The following OLFML3 variants were observed in gnomAD, a reference collection of about 807,000 sequenced individuals.
The protein encoded by OLFML3 is olfactomedin-like protein 3.
In OLFML3, 26 loss-of-function variants were observed where a neutral mutation model predicts 36.0. The observed-to-expected ratio is 0.72, with a 90% CI of 0.53 to 1.00. The LOEUF (loss-of-function observed/expected upper bound fraction) is 1.00, where lower values mean the gene tolerates loss of function less well. Ranked by LOEUF, OLFML3 falls within the 50% of genes least tolerant of loss-of-function variation. The pLI, the probability that OLFML3 is intolerant of heterozygous loss-of-function variation, is 0.00. For synonymous variants in OLFML3, 184 were observed against 201.2 expected (o/e 0.91, Z 0.72); for missense variants, 503 against 519.4 (o/e 0.97, Z 0.31).
Position 113,981,086 on chromosome 1 carries a change from G to A in OLFML3, c.538G>A (p.Ala180Thr), listed in dbSNP as rs982230161. Residue 180 changes from alanine to threonine, a missense_variant, in exon 3 of 3, where the codon GCC (alanine) becomes ACC (threonine). Ala to Thr is a moderately conservative substitution (Grantham distance 58, BLOSUM62 0). Coordinates refer to ENST00000320334, the MANE Select transcript of OLFML3 (RefSeq NM_020190.5). ...YVLDGTQNDT[A>T]FVFPRLRDFT... ...GTTAGATGGGACACAGAATGACACA[G>A]CCTTTGTCTTCCCAAGGCTGCGTGA... The A allele has an allele frequency of 4.3e-6, 7 of 1,613,106 alleles. No homozygotes were observed. The Admixed American group carries it at 6.7e-5, about 15-fold the overall frequency.
In OLFML3 at chr1:113,981,374, C is replaced by T. The variant is rs369884282; in HGVS notation, c.826C>T (p.Leu276=). 4 of 1,609,474 alleles carry T rather than the reference C, an allele frequency of 2.5e-6. No individual in the cohort carries two copies. The highest frequency in any genetic ancestry group is 3.4e-6 in the Non-Finnish European group (4 of 1,177,586). ...CTTGACAGCAGACACCTACATCGAC[C>T]TGGCAGCTGATGAGGAAGGTCTTTG... ...YGLTADTYID[L]AADEEGLWAV... is the part of the protein sequence containing the mutation. Residue 276 remains leucine, a synonymous_variant, in exon 3 of 3, where the codon CTG becomes TTG. Transcript: ENST00000320334.
rs1473682465 is a variant in OLFML3, at chr1:113,982,247, C to G, written c.*478C>G. ...AACATTTTGCATTAAAAGGAAAATC[C>G]ACTGCTCCTCTCCTGTGTTTGTTTG... On this transcript the variant is annotated 3_prime_UTR_variant, in exon 3 of 3. Coordinates refer to ENST00000320334, the MANE Select transcript of OLFML3 (RefSeq NM_020190.5). 1 of 183,988 alleles carries G rather than the reference C, an allele frequency of 5.4e-6. No individual in the cohort carries two copies. The highest frequency in any genetic ancestry group is 1.1e-5 in the Non-Finnish European group (1 of 87,084). 11.4% of individuals were successfully genotyped at this position (183,988 alleles called of 1,614,324 possible).
chr1:113,981,592 C>T lies in OLFML3; in HGVS notation c.1044C>T (p.Ser348=), dbSNP rs1571754243. 1.9e-6 allele frequency: 3 copies of T among 1,614,148 alleles called. No individual in the cohort carries two copies. In the East Asian group the frequency reaches 6.7e-5, roughly 36 times the overall value. The change falls in exon 3 of 3, where the codon TCC becomes TCT. Residue 348 remains serine, a synonymous_variant. Transcript: ENST00000320334. The part of the protein sequence containing the change: ...RPASRARIQC[S]FDASGTLTPE... ...CCAGTCGGGCCCGCATCCAGTGCTCCTTTGATGCCAGCGGCACCCTGACCC... is the reference window on the plus strand; with the variant it reads ...CCAGTCGGGCCCGCATCCAGTGCTCTTTTGATGCCAGCGGCACCCTGACCC...
chr1:113,981,088 C>G lies in OLFML3; in HGVS notation c.540C>G (p.Ala180=). 1 of 1,613,264 alleles carries G rather than the reference C, an allele frequency of 6.2e-7. No individual in the cohort carries two copies. Among genetic ancestry groups the G allele is most frequent in the Middle Eastern group, 1.7e-4 (1 of 6,058 alleles). Residue 180 remains alanine, a synonymous_variant, in exon 3 of 3, where the codon GCC becomes GCG. Coordinates refer to ENST00000320334, the MANE Select transcript of OLFML3 (RefSeq NM_020190.5). The stretch of plus-strand genomic sequence containing the variant: ...TAGATGGGACACAGAATGACACAGC[C>G]TTTGTCTTCCCAAGGCTGCGTGACT... ...YVLDGTQNDT[A]FVFPRLRDFT... is the part of the protein sequence containing the mutation.
Position 113,981,215 on chromosome 1 carries a change from C to G in OLFML3, c.667C>G (p.Arg223Gly). 6.2e-7 allele frequency: 1 copy of G among 1,614,026 alleles called. No individual in the cohort carries two copies. Among genetic ancestry groups the G allele is most frequent in the South Asian group, 1.1e-5 (1 of 91,062 alleles). ...ATATGGTGGCTTTCTTTATTTTGCTCGGAGGCCTCCTGGAAGACCTGGTGG... is the reference window on the plus strand; with the variant it reads ...ATATGGTGGCTTTCTTTATTTTGCTGGGAGGCCTCCTGGAAGACCTGGTGG... ...LVYGGFLYFA[R>G]RPPGRPGGGG... The change falls in exon 3 of 3, where the codon CGG becomes GGG. Residue 223 changes from arginine (R) to glycine (G), a missense_variant. Coordinates refer to ENST00000320334, the MANE Select transcript of OLFML3 (RefSeq NM_020190.5).
At chr1:113,979,708 G>A in intron 1 of OLFML3, 78 bp downstream of exon 1, 1 of 1,115,174 alleles carries the variant, frequency 9.0e-7, no homozygotes, top group African/African-American at 1.5e-5. Context: ...TTAGGGATCT[G>A]GGGATAACAA....
chr1:113,981,258 A>T lies in OLFML3; in HGVS notation c.710A>T (p.Asn237Ile), dbSNP rs1312593729. ...CCTGGTGGAGGTGGTGAGATGGAGA[A>T]CACTTTGCAGCTAATCAAATTCCAC... is the stretch of plus-strand genomic sequence containing the variant. The part of the protein sequence containing the change: ...GRPGGGGEME[N>I]TLQLIKFHLA... Residue 237 changes from asparagine to isoleucine, a missense_variant, in exon 3 of 3, where the codon AAC (asparagine) becomes ATC (isoleucine). Asn to Ile is a moderately radical substitution (Grantham distance 149). Transcript: ENST00000320334. The T allele has an allele frequency of 1.2e-6, 2 of 1,612,424 alleles. No homozygotes were observed. The highest frequency in any genetic ancestry group is 3.3e-4 in the Middle Eastern group (2 of 6,048).
At position 113,980,586 on chromosome 1, in the gene OLFML3, A is replaced by G. The variant is rs139021207; in HGVS notation, c.369A>G (p.Gly123=). Residue 123 remains glycine (G), a synonymous_variant, in exon 2 of 3, where the codon GGA becomes GGG. Transcript: ENST00000320334. ...VTGGPGTKGK[G]RRNEKYDMVT... Reference sequence around the variant, plus strand: ...GAGGCCCTGGGACCAAAGGCAAGGGAAGAAGGAATGAGAAGTACGATATGG... The same window carrying G: ...GAGGCCCTGGGACCAAAGGCAAGGGGAGAAGGAATGAGAAGTACGATATGG... The G allele has an allele frequency of 1.3e-4, 207 of 1,609,562 alleles. 1 individual carries two copies. In the African/African-American group the frequency reaches 2.5e-3, roughly 19 times the overall value.
intron 1 of OLFML3, chr1:113,980,117 TGGAGTCGGGGTA>T: frequency 6.5e-7 from 1 of 1,550,124 alleles, no homozygotes; most frequent in Non-Finnish European, 8.7e-7. Context: ...CTGGAGGACA[TGGAGTCGGGGTA>T]GGGGCCTAGG....
chr1:113,979,976 T>C (rs1673347034), intron 1 of OLFML3: 1 of 1,450,418 alleles, frequency 6.9e-7, no homozygotes, highest in Non-Finnish European at 9.1e-7. Context: ...TTTTAACAGG[T>C]TGAGATCCGT....
rs1282339651 is a variant in OLFML3 at position 113,981,111 on chromosome 1, A to T, written c.563A>T (p.Asp188Val). The change falls in exon 3 of 3, where the codon GAC (aspartate) becomes GTC (valine). Residue 188 changes from aspartate to valine, a missense_variant. Coordinates refer to ENST00000320334, the MANE Select transcript of OLFML3 (RefSeq NM_020190.5). ...GCCTTTGTCTTCCCAAGGCTGCGTG[A>T]CTTCACCCTTGCCATGGCTGCCCGG... ...DTAFVFPRLR[D>V]FTLAMAARKA... 4 of 1,613,972 alleles carry T rather than the reference A, an allele frequency of 2.5e-6. No individual in the cohort carries two copies. Among genetic ancestry groups the T allele is most frequent in the Non-Finnish European group, 3.4e-6 (4 of 1,179,990 alleles).
chr1:113,980,635 A>T lies in OLFML3; in HGVS notation c.400+18A>T. 6.4e-7 allele frequency: 1 copy of T among 1,554,202 alleles called. No homozygotes were observed. Among genetic ancestry groups the T allele is most frequent in the East Asian group, 2.3e-5 (1 of 44,302 alleles). On this transcript the variant is annotated intron_variant, in intron 2 of 2. Transcript: ENST00000320334. ...GGTGACAGGTAAATAATCTGAAAGC[A>T]GGCCCCTAACTCTTCTCAGAACCGA... is the stretch of plus-strand genomic sequence containing the variant.
Position 113,981,044 on chromosome 1 carries a change from A to G in OLFML3, c.496A>G (p.Thr166Ala). 1 of 1,600,720 alleles carries G rather than the reference A, an allele frequency of 6.2e-7. No individual in the cohort carries two copies. Among genetic ancestry groups the G allele is most frequent in the Non-Finnish European group, 8.5e-7 (1 of 1,172,372 alleles). Residue 166 changes from threonine (T) to alanine (A), a missense_variant, in exon 3 of 3, where the codon ACA becomes GCA. By Grantham distance (58) the Thr-to-Ala change is moderately conservative. Coordinates refer to ENST00000320334, the MANE Select transcript of OLFML3 (RefSeq NM_020190.5). Reference protein sequence around the residue: ...GLWTKDPLGQTEKIYVLDGTQ... With the variant: ...GLWTKDPLGQAEKIYVLDGTQ... ...ATGGACCAAGGATCCACTGGGGCAA[A>G]CAGAGAAGATCTACGTGTTAGATGG...
Position 113,979,537 on chromosome 1 carries a change from C to A in OLFML3, c.21C>A (p.Leu7=). MGPSTP[L]LILFLLSWSG... ...CTGCCATGGGGCCCAGCACCCCTCT[C>A]CTCATCTTGTTCCTTTTGTCATGGT... Residue 7 remains leucine (L), a synonymous_variant, in exon 1 of 3, where the codon CTC becomes CTA. Coordinates refer to ENST00000320334, the MANE Select transcript of OLFML3 (RefSeq NM_020190.5). 6.2e-7 allele frequency: 1 copy of A among 1,614,096 alleles called. No individual in the cohort carries two copies. The highest frequency in any genetic ancestry group is 8.5e-7 in the Non-Finnish European group (1 of 1,179,940).
At position 113,981,146 on chromosome 1, in the gene OLFML3, C is replaced by G; in HGVS notation, c.598C>G (p.Arg200Gly). Residue 200 changes from arginine (R) to glycine (G), a missense_variant, in exon 3 of 3, where the codon CGA becomes GGA. Coordinates refer to ENST00000320334, the MANE Select transcript of OLFML3 (RefSeq NM_020190.5). ...TLAMAARKAS[R>G]VRVPFPWVGT... The stretch of plus-strand genomic sequence containing the variant: ...TGCCATGGCTGCCCGGAAAGCTTCC[C>G]GAGTCCGGGTGCCCTTCCCCTGGGT... 1 of 1,614,222 alleles carries G rather than the reference C, an allele frequency of 6.2e-7. No individual in the cohort carries two copies. Among genetic ancestry groups the G allele is most frequent in the South Asian group, 1.1e-5 (1 of 91,084 alleles).
At position 113,979,563 on chromosome 1, in the gene OLFML3, C is replaced by A. The variant is rs765979542; in HGVS notation, c.47C>A (p.Ser16Ter). 6.8e-6 allele frequency: 11 copies of A among 1,614,074 alleles called. No homozygotes were observed. The highest frequency in any genetic ancestry group is 6.8e-6 in the Non-Finnish European group (8 of 1,179,990). ...CTCATCTTGTTCCTTTTGTCATGGT[C>A]GGGACCCCTCCAAGGACAGCAGCAC... is the stretch of plus-strand genomic sequence containing the variant. ...PLLILFLLSW[S>*]GPLQGQQHHL... The change falls in exon 1 of 3, where the codon TCG becomes TAG. Residue 16 changes from serine (S) to a stop codon, truncating the protein, a stop_gained. Coordinates refer to ENST00000320334, the MANE Select transcript of OLFML3 (RefSeq NM_020190.5). LOFTEE classifies it high-confidence loss of function.
chr1:113,981,678 A>G lies in OLFML3; in HGVS notation c.1130A>G (p.Tyr377Cys), dbSNP rs776400657. 5.0e-6 allele frequency: 8 copies of G among 1,614,030 alleles called. No homozygotes were observed. The South Asian group carries it at 6.6e-5, about 13-fold the overall frequency. ...RRYGAHASLR[Y>C]NPRERQLYAW... ...TATGGTGCCCATGCCAGCCTCCGCTATAACCCCCGAGAACGCCAGCTCTAT... is the reference window on the plus strand; with the variant it reads ...TATGGTGCCCATGCCAGCCTCCGCTGTAACCCCCGAGAACGCCAGCTCTAT... Residue 377 changes from tyrosine (Y) to cysteine (C), a missense_variant, in exon 3 of 3, where the codon TAT becomes TGT. Tyr to Cys is a radical substitution (Grantham distance 194). Transcript: ENST00000320334.
In OLFML3 at chr1:113,981,162, TC is replaced by T; in HGVS notation, c.618del (p.Trp207GlyfsTer2). 1 of 1,614,252 alleles carries T rather than the reference TC, an allele frequency of 6.2e-7. No individual in the cohort carries two copies. The highest frequency in any genetic ancestry group is 8.5e-7 in the Non-Finnish European group (1 of 1,180,052). Reference protein sequence around the residue: ...ARKASRVRVPFPWVGTGQLVY... With the variant: ...ARKASRVRVPXPWVGTGQLVY... ...AAAGCTTCCCGAGTCCGGGTGCCCT[TC>T]CCCTGGGTAGGCACAGGGCAGCTGG... On this transcript the variant is annotated frameshift_variant, in exon 3 of 3. Transcript: ENST00000320334. LOFTEE classifies it high-confidence loss of function.
Position 113,981,012 on chromosome 1 carries a change from C to T in OLFML3, c.464C>T (p.Ala155Val), listed in dbSNP as rs750485351. The T allele has an allele frequency of 1.3e-5, 20 of 1,559,632 alleles. No homozygotes were observed. Among genetic ancestry groups the T allele is most frequent in the South Asian group, 3.7e-5 (3 of 81,962 alleles). Residue 155 changes from alanine (A) to valine (V), a missense_variant, in exon 3 of 3, where the codon GCT (alanine) becomes GTT (valine). Coordinates refer to ENST00000320334, the MANE Select transcript of OLFML3 (RefSeq NM_020190.5). ...MKILKRFGGP[A>V]GLWTKDPLGQ... is the part of the protein sequence containing the mutation. Reference sequence around the variant, plus strand: ...ATTCTGAAGCGATTTGGTGGCCCAGCTGGTCTATGGACCAAGGATCCACTG... The same window carrying T: ...ATTCTGAAGCGATTTGGTGGCCCAGTTGGTCTATGGACCAAGGATCCACTG...
Sources: allele counts gnomAD v4.1 joint callset, GRCh38; gene constraint gnomAD v4.1.1; transcripts MANE v1.5; gene names NCBI Gene and HGNC (gene_info 2026-07-23, HGNC 2026-07-21).